Variants in NRG3 observed in about 807,000 individuals in gnomAD.
NRG3 encodes pro-neuregulin-3, membrane-bound isoform.
Under a neutral mutation model 66.9 loss-of-function variants are expected in NRG3, and 31 were observed. The observed-to-expected ratio is 0.46, with a 90% CI of 0.35 to 0.63. The LOEUF (loss-of-function observed/expected upper bound fraction) is 0.63. Ranked by LOEUF, NRG3 falls within the 20% of genes least tolerant of loss-of-function variation. The pLI is 0.00. For synonymous variants in NRG3, 393 were observed against 359.4 expected (o/e 1.09, Z -1.06); for missense variants, 910 against 878.9 (o/e 1.04, Z -0.45).
At chr10:81,892,361 G>A (rs905275662) in intron 1 of NRG3, among the ~76,000 whole-genome samples, 4 of 151,874 alleles carry the variant, frequency 2.6e-5, no homozygotes, top group East Asian at 1.9e-4. Flanking sequence ...GAGGAATTGC[G>A]GGCACACACA....
intron 1 of NRG3, 36 bp downstream of exon 1, chr10:81,876,199 C>G (rs896549246): frequency 2.0e-6 from 3 of 1,534,620 alleles, no homozygotes; most frequent in African/African-American, 1.4e-5. Flanking sequence ...TGATTTACTA[C>G]TGAGTTTCCC....
At chr10:82,336,494 A>C (rs1589759446) in intron 1 of NRG3, among the ~76,000 whole-genome samples, 1 of 150,438 alleles carries the variant, frequency 6.6e-6, no homozygotes, top group Non-Finnish European at 1.5e-5. Flanking sequence ...TTCAAAGACC[A>C]CCACACCATT....
chr10:82,725,875 C>A (rs1219843479), intron 2 of NRG3, among the ~76,000 whole-genome samples: 1 of 152,148 alleles, frequency 6.6e-6, no homozygotes, highest in Non-Finnish European at 1.5e-5. Flanking sequence ...TTGGTAACTC[C>A]TGTGAACTGA....
At chr10:82,627,425 G>A (rs766461942) in intron 2 of NRG3, among the ~76,000 whole-genome samples, 28 of 152,044 alleles carry the variant, frequency 1.8e-4, no homozygotes, top group Non-Finnish European at 4.1e-4. Context: ...ACAGCATGAA[G>A]AGAAGGACAG....
At chr10:82,306,455 G>A (rs1394653235) in intron 1 of NRG3, among the ~76,000 whole-genome samples, 1 of 151,414 alleles carries the variant, frequency 6.6e-6, no homozygotes, top group African/African-American at 2.4e-5. Context: ...TGTAATTCCA[G>A]CACTTTGGGA....
rs369683383 is a variant in NRG3 at position 81,934,074 on chromosome 10, A to G, written c.823+57911A>G. ...ATGAGCTTTCAAGTCCGTATCTCCA[A>G]TGATCATACCAGACAGATCCCCAAT... On this transcript the variant is annotated intron_variant, in intron 1 of 8. Transcript: ENST00000372141. Among the ~76,000 whole-genome samples the G allele has an allele frequency of 3.9e-4, 60 of 152,338 alleles. 1 individual carries two copies. The highest frequency in any genetic ancestry group is 1.3e-3 in the African/African-American group (56 of 41,588).
At chr10:82,269,602 C>T (rs1038657642) in intron 1 of NRG3, among the ~76,000 whole-genome samples, 2 of 152,012 alleles carry the variant, frequency 1.3e-5, no homozygotes, top group Non-Finnish European at 2.9e-5. Flanking sequence ...ATATTTTTGA[C>T]TCTTTATCTG....
chr10:82,375,552 T>A (rs1019452656), intron 2 of NRG3, among the ~76,000 whole-genome samples: 7 of 137,214 alleles, frequency 5.1e-5, no homozygotes, highest in East Asian at 2.2e-4. Flanking sequence ...AAAAAAAAAA[T>A]TACTGATATT....
At chr10:82,170,670 ATATATATATATATATATATATATATATG>A (rs1382815396) in intron 1 of NRG3, among the ~76,000 whole-genome samples, 1 of 107,542 alleles carries the variant, frequency 9.3e-6, no homozygotes, top group Non-Finnish European at 1.8e-5. Context: ...ATATATATAT[ATATATATATATATATATATATATATATG>A]TAAATATATA....
intron 2 of NRG3, among the ~76,000 whole-genome samples, chr10:82,472,370 C>G (rs2132064169): frequency 6.6e-6 from 1 of 152,314 alleles, no homozygotes; most frequent in South Asian, 2.1e-4. Flanking sequence ...GCAAAAACAG[C>G]TTCACAGGTA....
At chr10:82,644,395 T>C (rs1462931956) in intron 2 of NRG3, among the ~76,000 whole-genome samples, 3 of 152,190 alleles carry the variant, frequency 2.0e-5, no homozygotes, top group African/African-American at 7.2e-5. Flanking sequence ...ATATCTATGC[T>C]TATTTTCTTT....
intron 1 of NRG3, among the ~76,000 whole-genome samples, chr10:82,306,735 A>G (rs948786888): frequency 8.3e-6 from 1 of 120,040 alleles, no homozygotes; most frequent in Non-Finnish European, 1.7e-5. Flanking sequence ...AAAAAAAAAA[A>G]AGTCTGGCAG....
In NRG3 at chr10:82,709,515, G is replaced by T. The variant is rs1459565180; in HGVS notation, c.954-29062G>T. On this transcript the variant is annotated intron_variant, in intron 2 of 8. Coordinates refer to ENST00000372141, the MANE Select transcript of NRG3 (RefSeq NM_001010848.4). The stretch of plus-strand genomic sequence containing the variant: ...TCCTGTCTCAGCCTCCTGAGTAGCT[G>T]GGACTACAAGTGTGCGCCACCATCC... Among the ~76,000 whole-genome samples, 3 of 152,050 alleles carry T rather than the reference G, an allele frequency of 2.0e-5. No individual in the cohort carries two copies. The East Asian group carries it at 5.8e-4, about 29-fold the overall frequency.
At chr10:82,092,442 T>G (rs112564620) in intron 1 of NRG3, among the ~76,000 whole-genome samples, 1 of 152,018 alleles carries the variant, frequency 6.6e-6, no homozygotes, top group African/African-American at 2.4e-5. Flanking sequence ...AAGCACCATT[T>G]TCATCCTAGT....
intron 2 of NRG3, among the ~76,000 whole-genome samples, chr10:82,510,207 A>G (rs564867526): frequency 9.2e-5 from 14 of 152,240 alleles, no homozygotes; most frequent in African/African-American, 2.4e-4. Flanking sequence ...CCACATTCCA[A>G]TGATATCTAT....
chr10:82,553,169 G>A (rs1205317229), intron 2 of NRG3, among the ~76,000 whole-genome samples: 1 of 151,998 alleles, frequency 6.6e-6, no homozygotes, highest in Non-Finnish European at 1.5e-5. Context: ...GAAGGCAAAT[G>A]GAATTGTATG....
chr10:82,238,901 T>G (rs1334221970), intron 1 of NRG3, among the ~76,000 whole-genome samples: 16 of 148,968 alleles, frequency 1.1e-4, no homozygotes, highest in African/African-American at 3.9e-4. Context: ...GCATTATTTT[T>G]AGGTTATACC....
intron 1 of NRG3, among the ~76,000 whole-genome samples, chr10:82,084,754 T>C (rs2065621319): frequency 6.6e-6 from 1 of 152,272 alleles, no homozygotes; most frequent in South Asian, 2.1e-4. Flanking sequence ...TCTCTTTTTC[T>C]CATTTCAACT....
At chr10:82,547,505 A>ATC (rs2132839720) in intron 2 of NRG3, among the ~76,000 whole-genome samples, 1 of 150,896 alleles carries the variant, frequency 6.6e-6, no homozygotes, top group Admixed American at 6.6e-5. Flanking sequence ...ATGTGTATAT[A>ATC]TATATTCCAT....
Sources: gnomAD v4.1 joint callset for allele counts (sites outside exome capture counted in the v4.1 genomes callset) on GRCh38, gnomAD v4.1.1 for gene constraint, MANE v1.5 for transcripts, NCBI Gene and HGNC (gene_info 2026-07-23, HGNC 2026-07-21) for gene names.